Variants in DLG2 observed in about 807,000 individuals in gnomAD.
DLG2 encodes discs large MAGUK scaffold protein 2.
A neutral mutation model predicts 132.5 loss-of-function variants in DLG2; 45 were observed. The ratio of observed to expected loss-of-function variants is 0.34; its 90% confidence interval spans 0.27 to 0.44. The LOEUF (loss-of-function observed/expected upper bound fraction) is 0.44, where lower values mean the gene tolerates loss of function less well. Ranked by LOEUF, DLG2 falls within the 20% of genes least tolerant of loss-of-function variation. The probability of loss-of-function intolerance (pLI) is 1.00; values close to 1 mark genes in which losing one functional copy is unlikely to be tolerated. For synonymous variants in DLG2, 424 were observed against 419.6 expected (o/e 1.01, Z -0.13); for missense variants, 1,045 against 1,196.9 (o/e 0.87, Z 1.87).
At chr11:83,472,224 C>T (rs183492608) in intron 23 of DLG2, among the ~76,000 whole-genome samples, 127 of 152,220 alleles carry the variant, frequency 8.3e-4, no homozygotes, top group South Asian at 6.2e-4. Flanking sequence ...TAGAAGGAAC[C>T]TGAGAGTTCA....
intron 21 of DLG2, among the ~76,000 whole-genome samples, chr11:83,523,741 T>A (rs1229475567): frequency 6.6e-6 from 1 of 152,194 alleles, no homozygotes; most frequent in Non-Finnish European, 1.5e-5. Flanking sequence ...CAGTAAGCAC[T>A]GATCAAGTGT....
chr11:84,001,474 G>A (rs2094342373), intron 11 of DLG2, among the ~76,000 whole-genome samples: 5 of 152,018 alleles, frequency 3.3e-5, no homozygotes. Flanking sequence ...TAGTTCTGAA[G>A]AGAAAGATAG....
chr11:84,009,418 T>C (rs2094758459), intron 11 of DLG2, among the ~76,000 whole-genome samples: 1 of 152,126 alleles, frequency 6.6e-6, no homozygotes, highest in Non-Finnish European at 1.5e-5. Flanking sequence ...CATACTAAAA[T>C]GAGCATATTG....
At chr11:84,890,099 T>G (rs1470491093) in intron 6 of DLG2, among the ~76,000 whole-genome samples, 1 of 152,220 alleles carries the variant, frequency 6.6e-6, no homozygotes, top group Admixed American at 6.5e-5. Flanking sequence ...TACAAACTTA[T>G]GAAACCCTTT....
chr11:85,485,577 G>C (rs2093411470), intron 3 of DLG2, among the ~76,000 whole-genome samples: 2 of 152,172 alleles, frequency 1.3e-5, no homozygotes, highest in Non-Finnish European at 2.9e-5. Flanking sequence ...AGTAAGGAGA[G>C]GGAAGGGGGC....
chr11:84,521,341 T>C (rs2099299558), intron 7 of DLG2, among the ~76,000 whole-genome samples: 1 of 152,218 alleles, frequency 6.6e-6, no homozygotes, highest in Non-Finnish European at 1.5e-5. Context: ...TTGTTTACTT[T>C]TCTTGGGAAA....
intron 3 of DLG2, among the ~76,000 whole-genome samples, chr11:85,318,485 A>G (rs2080838884): frequency 6.6e-6 from 1 of 151,858 alleles, no homozygotes; most frequent in African/African-American, 2.4e-5. Context: ...TAAAAGTGCA[A>G]AAAAGAAACC....
At chr11:84,604,946 T>C (rs1163298409) in intron 6 of DLG2, among the ~76,000 whole-genome samples, 1 of 151,992 alleles carries the variant, frequency 6.6e-6, no homozygotes, top group African/African-American at 2.4e-5. Context: ...AACTATTTGG[T>C]ATATATTCTT....
chr11:85,458,491 T>C (rs1394578606), intron 3 of DLG2, among the ~76,000 whole-genome samples: 1 of 152,228 alleles, frequency 6.6e-6, no homozygotes, highest in Admixed American at 6.5e-5. Context: ...TGAGGTCATT[T>C]GGAGACACTG....
intron 7 of DLG2, among the ~76,000 whole-genome samples, chr11:84,459,562 T>C (rs1246892787): frequency 2.0e-5 from 3 of 150,654 alleles, no homozygotes; most frequent in African/African-American, 7.3e-5. Flanking sequence ...TTTCAACTTT[T>C]ATATTTTATA....
At chr11:85,525,986 G>A (rs1167577614) in intron 3 of DLG2, among the ~76,000 whole-genome samples, 1 of 152,140 alleles carries the variant, frequency 6.6e-6, no homozygotes, top group Non-Finnish European at 1.5e-5. Flanking sequence ...CACCCAAAAG[G>A]ATTAGAGAAA....
chr11:85,245,118 C>CT (rs2076070484), intron 4 of DLG2, among the ~76,000 whole-genome samples: 1 of 151,714 alleles, frequency 6.6e-6, no homozygotes, highest in Admixed American at 6.6e-5. Context: ...ATATTAAAGA[C>CT]AATATTGAAG....
Position 84,286,827 on chromosome 11 carries a change from T to A in DLG2, c.520-35536A>T, listed in dbSNP as rs188707429. 7.2e-5 allele frequency among the ~76,000 whole-genome samples: 11 copies of A among 152,264 alleles called. No homozygotes were observed. The East Asian group carries it at 2.1e-3, about 29-fold the overall frequency. ...GCTGGTGGGCTTTGTAATGTTAGAA[T>A]CCCTTTACTGTTACCAAAGGCTGGG... On this transcript the variant is annotated intron_variant, in intron 7 of 27. Transcript: ENST00000376104.
chr11:84,037,656 C>T (rs888571217), intron 11 of DLG2, among the ~76,000 whole-genome samples: 5 of 152,028 alleles, frequency 3.3e-5, no homozygotes, highest in Admixed American at 3.3e-4. Context: ...CATTTCCTGG[C>T]TTATGGTGGT....
intron 6 of DLG2, among the ~76,000 whole-genome samples, chr11:84,952,472 G>A (rs1392888436): frequency 6.6e-6 from 1 of 151,930 alleles, no homozygotes; most frequent in Admixed American, 6.5e-5. Context: ...AGCGGAGATC[G>A]CGCCACAGCA....
chr11:84,146,917 C>T (rs2095106687), intron 9 of DLG2, among the ~76,000 whole-genome samples: 1 of 152,098 alleles, frequency 6.6e-6, no homozygotes, highest in African/African-American at 2.4e-5. Context: ...CTAGCTTTCT[C>T]TGCAGGAAGG....
chr11:84,671,780 T>G (rs2099706159), intron 6 of DLG2, among the ~76,000 whole-genome samples: 1 of 152,138 alleles, frequency 6.6e-6, no homozygotes, highest in African/African-American at 2.4e-5. Context: ...TTCGTCTGAG[T>G]CAGTCACTAC....
chr11:84,543,528 C>G (rs552162782), intron 6 of DLG2, among the ~76,000 whole-genome samples: 1 of 152,168 alleles, frequency 6.6e-6, no homozygotes, highest in Non-Finnish European at 1.5e-5. Context: ...TAACCGTCCC[C>G]GCCCCTCTCC....
At chr11:83,570,058 C>G (rs1424672607) in intron 19 of DLG2, among the ~76,000 whole-genome samples, 1 of 152,204 alleles carries the variant, frequency 6.6e-6, no homozygotes, top group Admixed American at 6.5e-5. Context: ...ACTTCATGCA[C>G]TTAGCAGTGT....
Sources: allele counts gnomAD v4.1 joint callset (sites outside exome capture counted in the v4.1 genomes callset), GRCh38; gene constraint gnomAD v4.1.1; transcripts MANE v1.5; gene names NCBI Gene and HGNC (gene_info 2026-07-23, HGNC 2026-07-21).